SCAPER: variants seen among roughly 807,000 people sequenced by gnomAD.
SCAPER encodes the protein S phase cyclin A-associated protein in the endoplasmic reticulum.
SCAPER carries 98 observed loss-of-function variants against 182.2 expected under a neutral mutation model. That is an observed-to-expected ratio of 0.54 (90% CI 0.46 to 0.64). The LOEUF is 0.64. Among genes scored for constraint, SCAPER ranks in the 30% least tolerant of loss-of-function variants. SCAPER has a pLI of 0.00. For missense variants in SCAPER, 1,432 were observed against 1,690.0 expected (o/e 0.85, Z 2.68); for synonymous variants, 605 against 564.6 (o/e 1.07, Z -1.01).
intron 2 of SCAPER, among the ~76,000 whole-genome samples, chr15:76,876,331 A>G (rs1288409355): frequency 6.6e-6 from 1 of 152,058 alleles, no homozygotes; most frequent in African/African-American, 2.4e-5. Flanking sequence ...GGAGGCACCA[A>G]GAGTGAGCGA....
At chr15:76,772,835 A>G (rs1276305800) in intron 9 of SCAPER, among the ~76,000 whole-genome samples, 2 of 151,914 alleles carry the variant, frequency 1.3e-5, no homozygotes, top group African/African-American at 2.4e-5. Context: ...ACTAAAATCT[A>G]AAATTATGAA....
chr15:76,770,925 TTTACCC>T, intron 10 of SCAPER, among the ~76,000 whole-genome samples: 1 of 152,186 alleles, frequency 6.6e-6, no homozygotes, highest in East Asian at 1.9e-4. Flanking sequence ...CCTTTTCCTT[TTTACCC>T]TTAAACAACC....
At chr15:76,357,150 T>TCACACACACACACACACACACACACACA (rs55912416) in intron 29 of SCAPER, among the ~76,000 whole-genome samples, 21 of 128,952 alleles carry the variant, frequency 1.6e-4, no homozygotes, top group East Asian at 7.2e-4. Flanking sequence ...TTTATTGACA[T>TCACACACACACACACACACACACACACA]CACACACACA....
chr15:76,525,652 G>C (rs2043142405), intron 23 of SCAPER, among the ~76,000 whole-genome samples: 1 of 152,108 alleles, frequency 6.6e-6, no homozygotes, highest in Non-Finnish European at 1.5e-5. Flanking sequence ...AGTTTGCTCA[G>C]GATTATGGCC....
In SCAPER at chr15:76,705,981, G is replaced by C. The variant is rs1410739773; in HGVS notation, c.2169C>G (p.Asp723Glu). The change falls in exon 18 of 32, where the codon GAC becomes GAG. Residue 723 changes from aspartate to glutamate, a missense_variant. Physicochemically the swap from Asp to Glu is conservative, Grantham distance 45. Coordinates refer to ENST00000563290, the MANE Select transcript of SCAPER (RefSeq NM_020843.4). ...REDAARERAR[D>E]REERLAALTA... The stretch of plus-strand genomic sequence containing the variant: ...TGAGTGCTGCCAATCGTTCTTCCCT[G>C]TCTCTGTAAGAAGACAGTAAAAATT... 1 of 1,547,282 alleles carries C rather than the reference G, an allele frequency of 6.5e-7. No homozygotes were observed. The highest frequency in any genetic ancestry group is 1.9e-5 in the Admixed American group (1 of 51,436).
At chr15:76,583,787 G>T (rs2048436427) in intron 22 of SCAPER, among the ~76,000 whole-genome samples, 1 of 152,186 alleles carries the variant, frequency 6.6e-6, no homozygotes, top group African/African-American at 2.4e-5. Context: ...TGAGGATGTG[G>T]AGAAAAGGAA....
Position 76,703,878 on chromosome 15 carries a change from C to T in SCAPER, c.2248-876G>A, listed in dbSNP as rs140031578. Reference sequence around the variant, plus strand: ...AAATACCTGCTACAATAAATTTAAACGCATGATAGATTTCTAGGACTATAC... The same window carrying T: ...AAATACCTGCTACAATAAATTTAAATGCATGATAGATTTCTAGGACTATAC... On this transcript the variant is annotated intron_variant, in intron 18 of 31. Coordinates refer to ENST00000563290, the MANE Select transcript of SCAPER (RefSeq NM_020843.4). Among the ~76,000 whole-genome samples, 376 of 152,178 alleles carry T rather than the reference C, an allele frequency of 2.5e-3. 3 individuals are homozygous for T. The highest frequency in any genetic ancestry group is 1.7e-3 in the Non-Finnish European group (115 of 67,998).
chr15:76,776,246 C>A (rs1158843724), intron 8 of SCAPER, among the ~76,000 whole-genome samples: 3 of 152,078 alleles, frequency 2.0e-5, no homozygotes, highest in Non-Finnish European at 4.4e-5. Context: ...TTTGCCAAGA[C>A]AAAGCACAGA....
intron 21 of SCAPER, among the ~76,000 whole-genome samples, chr15:76,625,759 G>A (rs371747257): frequency 6.6e-6 from 1 of 152,040 alleles, no homozygotes; most frequent in Non-Finnish European, 1.5e-5. Context: ...GTGGCTAGAC[G>A]CAGGAGTCCA....
At chr15:76,491,431 G>C (rs1249625131) in intron 24 of SCAPER, among the ~76,000 whole-genome samples, 1 of 152,092 alleles carries the variant, frequency 6.6e-6, no homozygotes, top group Non-Finnish European at 1.5e-5. Flanking sequence ...AAAATTATAT[G>C]TAAGAACATG....
intron 20 of SCAPER, among the ~76,000 whole-genome samples, chr15:76,682,871 A>G (rs186585269): frequency 1.9e-4 from 29 of 151,950 alleles, no homozygotes; most frequent in African/African-American, 7.0e-4. Context: ...ATGAAACCCC[A>G]AGGGCACCAA....
intron 25 of SCAPER, among the ~76,000 whole-genome samples, chr15:76,450,276 C>CT (rs886436375): frequency 6.6e-6 from 1 of 152,232 alleles, no homozygotes; most frequent in Admixed American, 6.5e-5. Context: ...AAATCAATAG[C>CT]TTTTTTCTTG....
rs1263897305 is a variant in SCAPER at position 76,862,427 on chromosome 15, T to C, written c.113A>G (p.Lys38Arg). The change falls in exon 3 of 32, where the codon AAA (lysine) becomes AGA (arginine). Residue 38 changes from lysine (K) to arginine (R), a missense_variant. By Grantham distance (26) the Lys-to-Arg change is conservative. Transcript: ENST00000563290. ...TTTTAAATACATACCATCATCATCTTTGCTTTCTAGTGGAACACTCCAAGC... is the reference window on the plus strand; with the variant it reads ...TTTTAAATACATACCATCATCATCTCTGCTTTCTAGTGGAACACTCCAAGC... ...LIAWSVPLES[K>R]DDDGKPKCQT... 6.9e-6 allele frequency: 11 copies of C among 1,602,374 alleles called. No homozygotes were observed. The highest frequency in any genetic ancestry group is 8.5e-6 in the Non-Finnish European group (10 of 1,170,110).
chr15:76,359,905 T>C (rs1444970370), intron 29 of SCAPER, among the ~76,000 whole-genome samples: 1 of 152,198 alleles, frequency 6.6e-6, no homozygotes, highest in Non-Finnish European at 1.5e-5. Flanking sequence ...AACAAACTAA[T>C]TGGTGCCTTG....
At chr15:76,662,588 T>C (rs2056279938) in intron 21 of SCAPER, among the ~76,000 whole-genome samples, 1 of 152,120 alleles carries the variant, frequency 6.6e-6, no homozygotes, top group South Asian at 2.1e-4. Context: ...TTTAAACTAA[T>C]AGGGCAGATT....
intron 14 of SCAPER, among the ~76,000 whole-genome samples, chr15:76,755,240 A>G (rs1235987632): frequency 6.6e-6 from 1 of 152,188 alleles, no homozygotes; most frequent in Non-Finnish European, 1.5e-5. Flanking sequence ...GCAGAACCCC[A>G]CAAGAGACTG....
intron 5 of SCAPER, among the ~76,000 whole-genome samples, chr15:76,821,520 G>A (rs1236814891): frequency 2.0e-5 from 3 of 152,180 alleles, no homozygotes; most frequent in African/African-American, 7.2e-5. Flanking sequence ...TACTAGAGAG[G>A]CTGAGGTTGG....
chr15:76,478,895 G>C (rs1489951543), intron 24 of SCAPER, among the ~76,000 whole-genome samples: 2 of 151,840 alleles, frequency 1.3e-5, no homozygotes, highest in Non-Finnish European at 2.9e-5. Flanking sequence ...TTTTCCCTTT[G>C]GTTTTGAACT....
chr15:76,380,200 A>C (rs2042860809), intron 28 of SCAPER: 1 of 152,174 alleles, frequency 6.6e-6, no homozygotes, highest in Admixed American at 6.6e-5. Context: ...CCCTGAGGCA[A>C]GAACTACTGA....
Sources: allele counts gnomAD v4.1 joint callset (sites outside exome capture counted in the v4.1 genomes callset), GRCh38; gene constraint gnomAD v4.1.1; transcripts MANE v1.5; gene names NCBI Gene and HGNC (gene_info 2026-07-23, HGNC 2026-07-21).